Variants in MFSD6 observed in about 807,000 individuals in gnomAD.
MFSD6 encodes the protein major facilitator superfamily domain-containing protein 6.
Under a neutral mutation model 56.3 loss-of-function variants are expected in MFSD6, and 26 were observed. That is an observed-to-expected ratio of 0.46 (90% CI 0.34 to 0.64). The LOEUF (loss-of-function observed/expected upper bound fraction) is 0.64, where lower values mean the gene tolerates loss of function less well. Ranked by LOEUF, MFSD6 falls within the 30% of genes least tolerant of loss-of-function variation. MFSD6 has a pLI of 0.01. For missense variants in MFSD6, 750 were observed against 986.2 expected (o/e 0.76, Z 3.21); for synonymous variants, 331 against 366.9 (o/e 0.90, Z 1.12).
rs1685729205 is a variant in MFSD6, at chr2:190,424,490, C to T, written c.-54+9077C>T. On this transcript the variant is annotated intron_variant, in intron 2 of 7. Transcript: ENST00000392328. The surrounding 1 kb of genome is among the most constrained non-coding windows in gnomAD (Gnocchi z 5.9). ...AGCTGGGATTACAGGCACATGACAC[C>T]ATGCCCAGCTAATTTTGTATTTTTA... 6.6e-6 allele frequency among the ~76,000 whole-genome samples: 1 copy of T among 152,040 alleles called. No homozygotes were observed. Among genetic ancestry groups the T allele is most frequent in the Non-Finnish European group, 1.5e-5 (1 of 68,022 alleles).
chr2:190,493,140 C>T (rs1237251537), intron 6 of MFSD6, among the ~76,000 whole-genome samples: 1 of 151,904 alleles, frequency 6.6e-6, no homozygotes, highest in Non-Finnish European at 1.5e-5. Flanking sequence ...AAGAGACTCG[C>T]CTAACACATA....
intron 4 of MFSD6, among the ~76,000 whole-genome samples, chr2:190,478,911 ACT>A (rs1270282345): frequency 6.6e-6 from 1 of 152,094 alleles, no homozygotes; most frequent in Non-Finnish European, 1.5e-5. Flanking sequence ...GAGAACTAGT[ACT>A]GTCTAGTACT....
chr2:190,476,252 CCAT>C (rs1264889104), intron 4 of MFSD6, among the ~76,000 whole-genome samples: 1 of 151,942 alleles, frequency 6.6e-6, no homozygotes, highest in Non-Finnish European at 1.5e-5. Flanking sequence ...AAAGAAACTA[CCAT>C]CAGAGTGAAC....
rs1217078921 is a variant in MFSD6, at chr2:190,497,792, C to T, written c.2172+73C>T. The T allele has an allele frequency of 1.4e-6, 2 of 1,472,420 alleles. No individual in the cohort carries two copies. Among genetic ancestry groups the T allele is most frequent in the Non-Finnish European group, 9.2e-7 (1 of 1,084,126 alleles). The allele number at this position is 1,472,420 out of a possible 1,614,324, so 91.2% of individuals were successfully genotyped here. A position where few individuals can be genotyped will look rare whatever the true frequency, so the allele number is the denominator to read the frequency against. On this transcript the variant is annotated intron_variant, in intron 7 of 7. Transcript: ENST00000392328. The surrounding 1 kb of genome is among the most constrained non-coding windows in gnomAD (Gnocchi z 5.2). ...CCTTAACTGGGCTCAGTTTTAATTA[C>T]TCACTTTTCATTCAACAAGATTTAT...
In MFSD6 at chr2:190,497,490, T is replaced by C. The variant is rs1689769423; in HGVS notation, c.1943T>C (p.Ile648Thr). The C allele has an allele frequency of 6.2e-7, 1 of 1,614,176 alleles. No individual in the cohort carries two copies. The highest frequency in any genetic ancestry group is 8.5e-7 in the Non-Finnish European group (1 of 1,180,014). ...RIPVPSSPVPIATIDLVQQQT... is the reference protein window; with the variant it reads ...RIPVPSSPVPTATIDLVQQQT... ...CCTGTTCCCTCCAGTCCCGTTCCTA[T>C]AGCAACCATCGACTTGGTACAGCAA... is the stretch of plus-strand genomic sequence containing the variant. Residue 648 changes from isoleucine to threonine, a missense_variant, in exon 7 of 8, where the codon ATA (isoleucine) becomes ACA (threonine). Coordinates refer to ENST00000392328, the MANE Select transcript of MFSD6 (RefSeq NM_017694.4). This position sits in a 1 kb window ranked among gnomAD's most constrained non-coding sequence, Gnocchi z 5.2.
Position 190,439,425 on chromosome 2 carries a change from T to C in MFSD6, c.1532+1864T>C, listed in dbSNP as rs1179627204. Reference sequence around the variant, plus strand: ...GGGTACACGTGCACAACGTGCAGATTTGTTGCATGTGTATAGATAGGTTCT... The same window carrying C: ...GGGTACACGTGCACAACGTGCAGATCTGTTGCATGTGTATAGATAGGTTCT... On this transcript the variant is annotated intron_variant, in intron 3 of 7. Transcript: ENST00000392328. This position sits in a 1 kb window ranked among gnomAD's most constrained non-coding sequence, Gnocchi z 5.8. 6.6e-6 allele frequency among the ~76,000 whole-genome samples: 1 copy of C among 152,178 alleles called. No individual in the cohort carries two copies. Among genetic ancestry groups the C allele is most frequent in the Non-Finnish European group, 1.5e-5 (1 of 68,026 alleles).
At chr2:190,411,516 T>C (rs1237607883) in intron 1 of MFSD6, 2 of 985,316 alleles carry the variant, frequency 2.0e-6, no homozygotes, top group African/African-American at 3.5e-5. Flanking sequence ...TTTTTGCTTT[T>C]TACCTTATAA....
intron 3 of MFSD6, chr2:190,464,825 C>G: frequency 2.7e-6 from 2 of 740,926 alleles, no homozygotes; most frequent in Non-Finnish European, 3.3e-6. Flanking sequence ...TTACTCCCCT[C>G]ACAGTATATG....
In MFSD6 at chr2:190,425,672, A is replaced by C. The variant is rs979573084; in HGVS notation, c.-54+10259A>C. On this transcript the variant is annotated intron_variant, in intron 2 of 7. Coordinates refer to ENST00000392328, the MANE Select transcript of MFSD6 (RefSeq NM_017694.4). This position sits in a 1 kb window ranked among gnomAD's most constrained non-coding sequence, Gnocchi z 4.3. Reference sequence around the variant, plus strand: ...GAATTGACTGACTTTGAAATATTGCATCAGCCTTGTATTTTTGGAATCAAC... The same window carrying C: ...GAATTGACTGACTTTGAAATATTGCCTCAGCCTTGTATTTTTGGAATCAAC... Among the ~76,000 whole-genome samples the C allele has an allele frequency of 1.3e-5, 2 of 152,156 alleles. No homozygotes were observed. The highest frequency in any genetic ancestry group is 4.8e-5 in the African/African-American group (2 of 41,444).
At chr2:190,479,955 A>G (rs2125195395) in intron 4 of MFSD6, among the ~76,000 whole-genome samples, 2 of 152,268 alleles carry the variant, frequency 1.3e-5, no homozygotes, top group Admixed American at 1.3e-4. Flanking sequence ...GCCAAGTAAG[A>G]AACATGTTTT....
Position 190,502,294 on chromosome 2 carries a change from T to C in MFSD6, c.*2076T>C. Reference sequence around the variant, plus strand: ...GTGCCATATGCTACCTTAAAAAATATTAAAGTGAATTCAAATTACATTTTG... The same window carrying C: ...GTGCCATATGCTACCTTAAAAAATACTAAAGTGAATTCAAATTACATTTTG... On this transcript the variant is annotated 3_prime_UTR_variant, in exon 8 of 8. Coordinates refer to ENST00000392328, the MANE Select transcript of MFSD6 (RefSeq NM_017694.4). This position sits in a 1 kb window ranked among gnomAD's most constrained non-coding sequence, Gnocchi z 4.4. 1 of 152,336 alleles carries C rather than the reference T, an allele frequency of 6.6e-6. No individual in the cohort carries two copies. The highest frequency in any genetic ancestry group is 1.9e-4 in the East Asian group (1 of 5,190). The allele number at this position is 152,336 out of a possible 1,614,324, so 9.4% of individuals were successfully genotyped here.
At chr2:190,435,681 C>G (rs1222854971) in intron 2 of MFSD6, among the ~76,000 whole-genome samples, 2 of 152,144 alleles carry the variant, frequency 1.3e-5, no homozygotes, top group Non-Finnish European at 2.9e-5. Context: ...TAGACATAAT[C>G]CCTATTATTT....
In MFSD6 at chr2:190,438,481, A is replaced by G. The variant is rs1426836315; in HGVS notation, c.1532+920A>G. ...CAGTGAGTCAAGATCACACCACTGC[A>G]CACCAGCCTGGGCAACAGAGTGAGA... On this transcript the variant is annotated intron_variant, in intron 3 of 7. Coordinates refer to ENST00000392328, the MANE Select transcript of MFSD6 (RefSeq NM_017694.4). This position sits in a 1 kb window ranked among gnomAD's most constrained non-coding sequence, Gnocchi z 5.2. Among the ~76,000 whole-genome samples, 1 of 152,232 alleles carries G rather than the reference A, an allele frequency of 6.6e-6. No individual in the cohort carries two copies. Among genetic ancestry groups the G allele is most frequent in the East Asian group, 1.9e-4 (1 of 5,200 alleles).
At position 190,418,088 on chromosome 2, in the gene MFSD6, C is replaced by G. The variant is rs149788668; in HGVS notation, c.-54+2675C>G. Among the ~76,000 whole-genome samples the G allele has an allele frequency of 3.2e-3, 487 of 151,940 alleles. 2 individuals are homozygous for G. The highest frequency in any genetic ancestry group is 0.011 in the African/African-American group (453 of 41,404). ...GCCTAAGACCTAACTTTTGGGATCCCTGTCTCATAGCTGCACAGTGCATTG... is the reference window on the plus strand; with the variant it reads ...GCCTAAGACCTAACTTTTGGGATCCGTGTCTCATAGCTGCACAGTGCATTG... On this transcript the variant is annotated intron_variant, in intron 2 of 7. Coordinates refer to ENST00000392328, the MANE Select transcript of MFSD6 (RefSeq NM_017694.4). The surrounding 1 kb of genome is among the most constrained non-coding windows in gnomAD (Gnocchi z 4.1).
At chr2:190,484,719 T>G (rs368559916) in intron 4 of MFSD6, among the ~76,000 whole-genome samples, 1 of 152,202 alleles carries the variant, frequency 6.6e-6, no homozygotes, top group East Asian at 1.9e-4. Context: ...ATGTTCTAAT[T>G]TAATCCCTTC....
intron 3 of MFSD6, among the ~76,000 whole-genome samples, chr2:190,440,113 C>T: frequency 6.6e-6 from 1 of 152,086 alleles, no homozygotes; most frequent in Non-Finnish European, 1.5e-5. Flanking sequence ...TTGTGGTTGT[C>T]CTGTTGGAAG....
intron 4 of MFSD6, among the ~76,000 whole-genome samples, chr2:190,483,963 T>G (rs1225292381): frequency 6.6e-6 from 1 of 152,118 alleles, no homozygotes; most frequent in African/African-American, 2.4e-5. Context: ...TGTGGATATA[T>G]CTCTTGATTT....
chr2:190,444,138 T>C (rs1686487231), intron 3 of MFSD6, among the ~76,000 whole-genome samples: 1 of 152,218 alleles, frequency 6.6e-6, no homozygotes, highest in Non-Finnish European at 1.5e-5. Context: ...TTCAATTTTG[T>C]AGGATATGTG....
intron 3 of MFSD6, among the ~76,000 whole-genome samples, chr2:190,448,558 GTT>G: frequency 6.6e-6 from 1 of 152,230 alleles, no homozygotes; most frequent in Non-Finnish European, 1.5e-5. Context: ...AAAAAAGCAG[GTT>G]TCAAAATAAT....
Sources: allele counts gnomAD v4.1 joint callset (sites outside exome capture counted in the v4.1 genomes callset), GRCh38; gene constraint gnomAD v4.1.1; non-coding constraint Gnocchi (gnomAD v3.1); transcripts MANE v1.5; gene names NCBI Gene and HGNC (gene_info 2026-07-23, HGNC 2026-07-21).